HDAC4: variants seen among roughly 807,000 people sequenced by gnomAD.
HDAC4 encodes histone deacetylase A.
HDAC4 carries 16 observed loss-of-function variants against 135.1 expected under a neutral mutation model. The ratio of observed to expected loss-of-function variants is 0.12; its 90% CI spans 0.08 to 0.18. The LOEUF is 0.18. HDAC4 is among the 10% of genes least tolerant of loss of function. HDAC4 has a pLI of 1.00. For synonymous variants in HDAC4, 685 were observed against 653.4 expected (o/e 1.05, Z -0.74); for missense variants, 1,143 against 1,511.8 (o/e 0.76, Z 4.05).
chr2:239,146,566 T>TG lies in HDAC4; in HGVS notation c.734-1853dup, dbSNP rs2041775965. On this transcript the variant is annotated intron_variant, in intron 7 of 26. Transcript: ENST00000543185. This position sits in a 1 kb window ranked among gnomAD's most constrained non-coding sequence, Gnocchi z 4.5. ...AGTGCACCGCCTCCCCCAGGCCCTGTGGGGGTCATCACGCTGCCACCAGGT... is the reference window on the plus strand; with the variant it reads ...AGTGCACCGCCTCCCCCAGGCCCTGTGGGGGGTCATCACGCTGCCACCAGGT... Among the ~76,000 whole-genome samples, 1 of 152,132 alleles carries TG rather than the reference T, an allele frequency of 6.6e-6. No individual in the cohort carries two copies. The highest frequency in any genetic ancestry group is 1.5e-5 in the Non-Finnish European group (1 of 68,004).
In HDAC4 at chr2:239,352,135, T is replaced by C. The variant is rs554687129; in HGVS notation, c.22+543A>G. On this transcript the variant is annotated intron_variant, in intron 2 of 26. Coordinates refer to ENST00000543185, the MANE Select transcript of HDAC4 (RefSeq NM_001378414.1). This position sits in a 1 kb window ranked among gnomAD's most constrained non-coding sequence, Gnocchi z 4.4. ...ACCAGCTCTGTGACCTCAGGCAAAT[T>C]ACTTCTTCCCTCCAGGCCTGAGATG... Among the ~76,000 whole-genome samples the C allele has an allele frequency of 4.6e-5, 7 of 152,250 alleles. No individual in the cohort carries two copies. In the South Asian group the frequency reaches 1.5e-3, roughly 32 times the overall value.
At chr2:239,395,819 C>T (rs938156193) in intron 1 of HDAC4, among the ~76,000 whole-genome samples, 7 of 150,332 alleles carry the variant, frequency 4.7e-5, no homozygotes, top group African/African-American at 9.8e-5. Flanking sequence ...CCTCCACACA[C>T]GTCTGGATAT....
Position 239,340,173 on chromosome 2 carries a change from G to A in HDAC4, c.22+12505C>T, listed in dbSNP as rs531111608. On this transcript the variant is annotated intron_variant, in intron 2 of 26. Transcript: ENST00000543185. The stretch of plus-strand genomic sequence containing the variant: ...CCCCAGGACACCCCAGCTCTTCCCT[G>A]AGCCTCAGCTACACCAAGCCAGTCA... Among the ~76,000 whole-genome samples the A allele has an allele frequency of 1.6e-4, 25 of 152,274 alleles. No homozygotes were observed. The South Asian group carries it at 5.2e-3, about 32-fold the overall frequency.
At chr2:239,248,503 T>C (rs1345902861) in intron 2 of HDAC4, among the ~76,000 whole-genome samples, 1 of 152,172 alleles carries the variant, frequency 6.6e-6, no homozygotes, top group Non-Finnish European at 1.5e-5. Context: ...TTTAGGACAA[T>C]ATTTGCCTCA....
intron 2 of HDAC4, among the ~76,000 whole-genome samples, chr2:239,249,551 C>T (rs2048662749): frequency 6.6e-6 from 1 of 152,218 alleles, no homozygotes; most frequent in South Asian, 2.1e-4. Context: ...TACGTCTAAA[C>T]CTCCTTTGAA....
At chr2:239,143,375 T>C (rs1000660392) in intron 8 of HDAC4, among the ~76,000 whole-genome samples, 1 of 152,222 alleles carries the variant, frequency 6.6e-6, no homozygotes, top group Non-Finnish European at 1.5e-5. Context: ...TTAACTCACA[T>C]GATTCCTCGT....
In HDAC4 at chr2:239,331,683, C is replaced by T. The variant is rs1181097888; in HGVS notation, c.22+20995G>A. On this transcript the variant is annotated intron_variant, in intron 2 of 26. Transcript: ENST00000543185. This position sits in a 1 kb window ranked among gnomAD's most constrained non-coding sequence, Gnocchi z 4.5. ...ACTGCCAGGTAAACCTCAGCTTCCA[C>T]TCTGGGCTACAGCGGGCCATACTAA... Among the ~76,000 whole-genome samples, 2 of 152,162 alleles carry T rather than the reference C, an allele frequency of 1.3e-5. No homozygotes were observed. Among genetic ancestry groups the T allele is most frequent in the Admixed American group, 6.5e-5 (1 of 15,282 alleles).
chr2:239,320,502 C>T (rs2053273444), intron 2 of HDAC4, among the ~76,000 whole-genome samples: 1 of 151,646 alleles, frequency 6.6e-6, no homozygotes, highest in African/African-American at 2.4e-5. Flanking sequence ...CTAAATTTGC[C>T]AAATATGGAA....
intron 2 of HDAC4, among the ~76,000 whole-genome samples, chr2:239,248,779 G>A (rs1222406293): frequency 6.6e-6 from 1 of 152,130 alleles, no homozygotes; most frequent in Non-Finnish European, 1.5e-5. Context: ...TCCTGATCAA[G>A]GTTGGGACCA....
chr2:239,082,722 G>A (rs1239768089), intron 20 of HDAC4, among the ~76,000 whole-genome samples: 1 of 152,228 alleles, frequency 6.6e-6, no homozygotes, highest in Non-Finnish European at 1.5e-5. Flanking sequence ...CCAGGTGTCC[G>A]TGAGTGACAG....
intron 5 of HDAC4, among the ~76,000 whole-genome samples, chr2:239,164,708 C>T (rs761497483): frequency 1.2e-4 from 19 of 152,204 alleles, no homozygotes; most frequent in South Asian, 4.1e-4. Flanking sequence ...TTGTAATGGT[C>T]AAAAACACAC....
chr2:239,378,351 G>T (rs944566780), intron 1 of HDAC4, among the ~76,000 whole-genome samples: 1 of 152,192 alleles, frequency 6.6e-6, no homozygotes, highest in African/African-American at 2.4e-5. Context: ...GGGTCCACAC[G>T]ATGATGGCCT....
At chr2:239,371,698 G>C (rs1046543834) in intron 1 of HDAC4, among the ~76,000 whole-genome samples, 5 of 152,130 alleles carry the variant, frequency 3.3e-5, no homozygotes, top group Non-Finnish European at 5.9e-5. Context: ...AACAGCACAG[G>C]GGACCTGGCT....
At chr2:239,066,457 C>T (rs973353660) in intron 24 of HDAC4, among the ~76,000 whole-genome samples, 6 of 152,244 alleles carry the variant, frequency 3.9e-5, no homozygotes, top group African/African-American at 9.6e-5. Flanking sequence ...AGGGTGCAGT[C>T]GCACCGCAGA....
intron 16 of HDAC4, among the ~76,000 whole-genome samples, chr2:239,100,378 C>T (rs1326623845): frequency 1.3e-5 from 2 of 152,222 alleles, no homozygotes; most frequent in East Asian, 3.9e-4. Context: ...TTTTCTTTTT[C>T]TGCGGTCAGG....
In HDAC4 at chr2:239,379,923, G is replaced by A. The variant is rs777575471; in HGVS notation, c.-220+21055C>T. On this transcript the variant is annotated intron_variant, in intron 1 of 26. Coordinates refer to ENST00000543185, the MANE Select transcript of HDAC4 (RefSeq NM_001378414.1). ...GGATAGGGAGACAGTGGAATGCTCC[G>A]GACCTGGCTGCGGGGTGACTCGGGG... Among the ~76,000 whole-genome samples, 9 of 152,332 alleles carry A rather than the reference G, an allele frequency of 5.9e-5. No homozygotes were observed. The East Asian group carries it at 1.2e-3, about 20-fold the overall frequency.
chr2:239,374,063 G>A (rs954506695), intron 1 of HDAC4, among the ~76,000 whole-genome samples: 5 of 152,158 alleles, frequency 3.3e-5, no homozygotes, highest in African/African-American at 1.2e-4. Context: ...GGTAATTCAA[G>A]CCCCTCTAAG....
intron 2 of HDAC4, among the ~76,000 whole-genome samples, chr2:239,328,058 G>A (rs944797544): frequency 6.6e-6 from 1 of 152,250 alleles, no homozygotes; most frequent in Non-Finnish European, 1.5e-5. Context: ...CCTGAGCAAT[G>A]TAAGCTGGAT....
intron 3 of HDAC4, among the ~76,000 whole-genome samples, chr2:239,227,001 ACAGGAGATGAGAGAG>A (rs2047281536): frequency 6.6e-6 from 1 of 152,256 alleles, no homozygotes; most frequent in South Asian, 2.1e-4. Context: ...CAACACACAC[ACAGGAGATGAGAGAG>A]CAGCCACAAA....
Sources: allele counts gnomAD v4.1 joint callset (sites outside exome capture counted in the v4.1 genomes callset), GRCh38; gene constraint gnomAD v4.1.1; non-coding constraint Gnocchi (gnomAD v3.1); transcripts MANE v1.5; gene names NCBI Gene and HGNC (gene_info 2026-07-23, HGNC 2026-07-21).